Variants in GABRA3 observed in about 807,000 individuals in gnomAD.
GABRA3 encodes gamma-aminobutyric acid receptor subunit alpha-3.
Under a neutral mutation model 30.1 loss-of-function variants are expected in GABRA3, and 10 were observed. The observed-to-expected ratio is 0.33, with a 90% confidence interval of 0.20 to 0.56. The LOEUF is 0.56. Among genes scored for constraint, GABRA3 ranks in the 20% least tolerant of loss-of-function variants. The pLI, the probability that GABRA3 is intolerant of heterozygous loss-of-function variation, is 0.89. For missense variants in GABRA3, 233 were observed against 392.0 expected, an observed-to-expected ratio of 0.59 and a Z score of 3.42; for synonymous variants, 151 against 146.8, an observed-to-expected ratio of 1.03 and a Z score of -0.21.
intron 5 of GABRA3, among the ~76,000 whole-genome samples, chrX:152,244,386 G>A (rs899673906): frequency 1.4e-4 from 16 of 111,893 alleles, no homozygotes; most frequent in African/African-American, 5.2e-4. Flanking sequence ...ATTAGGTCAG[G>A]AGGGCTCTGT....
chrX:152,385,805 A>C (rs1248875843), intron 1 of GABRA3, among the ~76,000 whole-genome samples: 153 of 110,883 alleles, frequency 1.4e-3, no homozygotes, highest in African/African-American at 4.9e-3. Flanking sequence ...TCAGCTTTCT[A>C]CATATGGCTA....
intron 6 of GABRA3, among the ~76,000 whole-genome samples, 168 bp downstream of exon 6, chrX:152,224,595 C>T (rs772867636): frequency 2.1e-4 from 23 of 111,650 alleles, no homozygotes; most frequent in Admixed American, 8.6e-4. Context: ...GTCTCCTCCC[C>T]CTGATTAGTT....
At chrX:152,440,412 C>G (rs1930893174) in intron 1 of GABRA3, among the ~76,000 whole-genome samples, 1 of 112,366 alleles carries the variant, frequency 8.9e-6, no homozygotes, top group Non-Finnish European at 1.9e-5. Flanking sequence ...ACGCTTTACA[C>G]TGTTGGTGGG....
At chrX:152,287,912 A>T (rs968732836) in intron 3 of GABRA3, among the ~76,000 whole-genome samples, 1 of 110,872 alleles carries the variant, frequency 9.0e-6, no homozygotes, top group East Asian at 2.8e-4. Flanking sequence ...CCAGTGTACC[A>T]GATCAGCTAG....
At chrX:152,236,171 AGT>A (rs1343331921) in intron 5 of GABRA3, among the ~76,000 whole-genome samples, 3 of 80,727 alleles carry the variant, frequency 3.7e-5, no homozygotes, top group Non-Finnish European at 6.9e-5. Context: ...CAGTCCCCAG[AGT>A]GTGATATTCC....
At chrX:152,406,693 T>A (rs1166142830) in intron 1 of GABRA3, among the ~76,000 whole-genome samples, 1 of 109,145 alleles carries the variant, frequency 9.2e-6, no homozygotes, top group Admixed American at 9.8e-5. Flanking sequence ...AATGAACAGA[T>A]CGTCCAGACA....
At chrX:152,233,645 T>C (rs1028410257) in intron 5 of GABRA3, among the ~76,000 whole-genome samples, 1 of 108,636 alleles carries the variant, frequency 9.2e-6, no homozygotes, top group Non-Finnish European at 1.9e-5. Context: ...TGGCGATTCC[T>C]CAGGGATCTA....
Position 152,272,297 on chromosome X carries a change from G to A in GABRA3, c.330+12371C>T, listed in dbSNP as rs556987828. 3.5e-4 allele frequency among the ~76,000 whole-genome samples: 39 copies of A among 112,278 alleles called. No homozygotes were observed. In the South Asian group the frequency reaches 0.012, roughly 34 times the overall value. The stretch of plus-strand genomic sequence containing the variant: ...GCTGTGGGAGCCCACCTCTTGCATC[G>A]GCATGACCTAGATGTGAGACATGAA... On this transcript the variant is annotated intron_variant, in intron 4 of 9. Transcript: ENST00000370314.
At chrX:152,226,658 T>A (rs1348109721) in intron 5 of GABRA3, among the ~76,000 whole-genome samples, 1 of 111,381 alleles carries the variant, frequency 9.0e-6, no homozygotes, top group Non-Finnish European at 1.9e-5. Context: ...ATATCCAGAA[T>A]CTACAATGAA....
At chrX:152,335,886 A>T in intron 3 of GABRA3, among the ~76,000 whole-genome samples, 1 of 110,640 alleles carries the variant, frequency 9.0e-6, no homozygotes. Flanking sequence ...TGCCCAGCTA[A>T]TCTTTTTATT....
chrX:152,311,838 TA>T (rs199954592), intron 3 of GABRA3, among the ~76,000 whole-genome samples: 1,501 of 103,738 alleles, frequency 0.014, 27 homozygotes, highest in African/African-American at 0.049. Context: ...CTAGAGCTGA[TA>T]AAAAAAAAAA....
chrX:152,300,411 G>GAA (rs770191868), intron 3 of GABRA3, among the ~76,000 whole-genome samples: 1 of 106,255 alleles, frequency 9.4e-6, no homozygotes, highest in Non-Finnish European at 2.0e-5. Context: ...TAAAACAAAT[G>GAA]AAAAAAAAAA....
chrX:152,227,609 T>TA (rs56151403), intron 5 of GABRA3, among the ~76,000 whole-genome samples: 12,532 of 99,650 alleles, frequency 0.13, 686 homozygotes, highest in Admixed American at 0.21. Flanking sequence ...TTTTTTTTTT[T>TA]AAAAAAAAAA....
chrX:152,221,936 A>C (rs975605229), intron 6 of GABRA3, among the ~76,000 whole-genome samples: 1 of 111,545 alleles, frequency 9.0e-6, no homozygotes, highest in African/African-American at 3.3e-5. Flanking sequence ...TGTTCTCATC[A>C]TTTAGCGCCT....
At chrX:152,433,030 A>G (rs1930687330) in intron 1 of GABRA3, among the ~76,000 whole-genome samples, 2 of 111,652 alleles carry the variant, frequency 1.8e-5, no homozygotes, top group African/African-American at 6.5e-5. Flanking sequence ...ATATTATAAA[A>G]AAAAGAAGTA....
chrX:152,197,022 G>A (rs1035906409), intron 8 of GABRA3, among the ~76,000 whole-genome samples: 1 of 111,904 alleles, frequency 8.9e-6, no homozygotes. Flanking sequence ...ATTTATCTCC[G>A]ACAGTGGGAA....
intron 3 of GABRA3, among the ~76,000 whole-genome samples, chrX:152,302,697 A>G (rs148167961): frequency 7.9e-4 from 88 of 110,936 alleles, no homozygotes; most frequent in African/African-American, 2.9e-3. Context: ...AGAACAGTCC[A>G]TAATAGGTAG....
chrX:152,264,603 T>C (rs754414342), intron 4 of GABRA3, among the ~76,000 whole-genome samples: 1 of 110,499 alleles, frequency 9.0e-6, no homozygotes, highest in Non-Finnish European at 1.9e-5. Flanking sequence ...ACAAAACAAC[T>C]AGAAAACAAA....
Position 152,417,875 on chromosome X carries a change from TGGGGTGG to T in GABRA3, c.-27+33264_-27+33270del, listed in dbSNP as rs1930272362. Among the ~76,000 whole-genome samples the T allele has an allele frequency of 4.6e-5, 3 of 64,967 alleles. No individual in the cohort carries two copies. In the South Asian group the frequency reaches 4.0e-3, roughly 86 times the overall value. The allele number at this position is 64,967 out of a possible 115,157, so 56.4% of individuals were successfully genotyped here. ...GAATATCACACTCCAGGGACTGTTG[TGGGGTGG>T]GGGGAGGGGGGAGGGATAGCACTGG... On this transcript the variant is annotated intron_variant, in intron 1 of 9. Transcript: ENST00000370314.
Sources: gnomAD v4.1 joint callset for allele counts (sites outside exome capture counted in the v4.1 genomes callset) on GRCh38, gnomAD v4.1.1 for gene constraint, MANE v1.5 for transcripts, NCBI Gene and HGNC (gene_info 2026-07-23, HGNC 2026-07-21) for gene names.